Variants in NOL4 observed in about 807,000 individuals in gnomAD.
NOL4 encodes nucleolar protein 4, also known as cancer/testis antigen 125.
A neutral mutation model predicts 75.9 loss-of-function variants in NOL4; 17 were observed. That is an observed-to-expected ratio of 0.22 (90% CI 0.15 to 0.34). NOL4 has a LOEUF of 0.34. Among genes scored for constraint, NOL4 ranks in the 10% least tolerant of loss-of-function variants. The pLI is 1.00. For synonymous variants in NOL4, 292 were observed against 289.9 expected, an observed-to-expected ratio of 1.01 and a Z score of -0.07; for missense variants, 614 against 793.5, an observed-to-expected ratio of 0.77 and a Z score of 2.72.
intron 5 of NOL4, among the ~76,000 whole-genome samples, chr18:34,076,894 T>C (rs2077768364): frequency 1.3e-5 from 2 of 152,020 alleles, no homozygotes; most frequent in Admixed American, 6.6e-5. Flanking sequence ...TAAACATGAG[T>C]CTTTAAATGA....
chr18:34,030,976 G>A (rs2075612634), intron 5 of NOL4, among the ~76,000 whole-genome samples: 3 of 152,110 alleles, frequency 2.0e-5, no homozygotes, highest in Admixed American at 2.0e-4. Flanking sequence ...AACAAGTCAT[G>A]GTGGGGAGAG....
At chr18:34,144,367 G>A (rs2081314429) in intron 1 of NOL4, among the ~76,000 whole-genome samples, 1 of 152,002 alleles carries the variant, frequency 6.6e-6, no homozygotes, top group Non-Finnish European at 1.5e-5. Context: ...ATTCAGTGAC[G>A]ATTTTATAGA....
At chr18:33,859,493 G>A (rs1022360498) in intron 10 of NOL4, among the ~76,000 whole-genome samples, 8 of 152,004 alleles carry the variant, frequency 5.3e-5, no homozygotes, top group African/African-American at 1.9e-4. Flanking sequence ...GTTTTTCTGA[G>A]AGACTTGTGT....
rs566771291 is a variant in NOL4 at position 34,145,218 on chromosome 18, T to C, written c.265-15198A>G. Among the ~76,000 whole-genome samples the C allele has an allele frequency of 2.6e-5, 4 of 152,216 alleles. No homozygotes were observed. The South Asian group carries it at 8.3e-4, about 32-fold the overall frequency. On this transcript the variant is annotated intron_variant, in intron 1 of 10. Coordinates refer to ENST00000261592, the MANE Select transcript of NOL4 (RefSeq NM_003787.5). ...TGAAAGGTTTTTATGGAAATTGTAA[T>C]AGAGAATTCAAACTAAGGTCAATAT...
intron 1 of NOL4, among the ~76,000 whole-genome samples, chr18:34,131,788 C>T (rs2080663442): frequency 6.6e-6 from 1 of 151,976 alleles, no homozygotes; most frequent in South Asian, 2.1e-4. Context: ...TCAACAAGGC[C>T]CAGATACTAC....
intron 1 of NOL4, among the ~76,000 whole-genome samples, chr18:34,216,006 TC>T (rs1441966233): frequency 6.6e-6 from 1 of 152,140 alleles, no homozygotes; most frequent in Admixed American, 6.6e-5. Flanking sequence ...CCAAAAATTT[TC>T]CAAATACTTA....
At position 33,878,026 on chromosome 18, in the gene NOL4, G is replaced by A. The variant is rs543312722; in HGVS notation, c.1723+5218C>T. On this transcript the variant is annotated intron_variant, in intron 10 of 10. Coordinates refer to ENST00000261592, the MANE Select transcript of NOL4 (RefSeq NM_003787.5). The stretch of plus-strand genomic sequence containing the variant: ...GTGAGTAGACCTTGAAGCTGGAAGA[G>A]CTGGCTCACATCCTTTCCCTAAGAA... Among the ~76,000 whole-genome samples the A allele has an allele frequency of 2.0e-5, 3 of 152,166 alleles. No individual in the cohort carries two copies. The East Asian group carries it at 5.8e-4, about 29-fold the overall frequency.
At chr18:33,974,857 A>G (rs897905457) in intron 6 of NOL4, among the ~76,000 whole-genome samples, 5 of 152,184 alleles carry the variant, frequency 3.3e-5, no homozygotes, top group African/African-American at 1.2e-4. Flanking sequence ...CTCAAAAGAT[A>G]TTTGCATACC....
At chr18:34,028,304 T>C (rs750125075) in intron 5 of NOL4, among the ~76,000 whole-genome samples, 1 of 152,272 alleles carries the variant, frequency 6.6e-6, no homozygotes, top group Non-Finnish European at 1.5e-5. Flanking sequence ...TACTGAGCTT[T>C]GCAGCACCTG....
At position 33,994,776 on chromosome 18, in the gene NOL4, G is replaced by C. The variant is rs539921406; in HGVS notation, c.1056+24542C>G. Among the ~76,000 whole-genome samples the C allele has an allele frequency of 3.1e-4, 47 of 151,428 alleles. No individual in the cohort carries two copies. In the South Asian group the frequency reaches 8.3e-3, roughly 27 times the overall value. ...CAAAACGTAGTACAAGCAAAAGAAAGAAAATAATGAAGATTTGAGTGGAAA... is the reference window on the plus strand; with the variant it reads ...CAAAACGTAGTACAAGCAAAAGAAACAAAATAATGAAGATTTGAGTGGAAA... On this transcript the variant is annotated intron_variant, in intron 6 of 10. Transcript: ENST00000261592.
chr18:33,911,070 T>A (rs188070361), intron 9 of NOL4, among the ~76,000 whole-genome samples: 4 of 152,238 alleles, frequency 2.6e-5, no homozygotes, highest in South Asian at 4.1e-4. Flanking sequence ...GCACCCATGA[T>A]TTTTAGTGTT....
At chr18:34,194,629 C>A (rs2035190063) in intron 1 of NOL4, among the ~76,000 whole-genome samples, 1 of 152,146 alleles carries the variant, frequency 6.6e-6, no homozygotes, top group South Asian at 2.1e-4. Context: ...CACATTGTTT[C>A]ATCTTACTCA....
At chr18:33,951,302 G>C (rs2069199939) in intron 8 of NOL4, among the ~76,000 whole-genome samples, 1 of 152,090 alleles carries the variant, frequency 6.6e-6, no homozygotes, top group Non-Finnish European at 1.5e-5. Context: ...TGAATTAAAA[G>C]TAGTTTCTCT....
At chr18:33,945,447 T>A (rs957881920) in intron 8 of NOL4, among the ~76,000 whole-genome samples, 1 of 151,812 alleles carries the variant, frequency 6.6e-6, no homozygotes, top group Admixed American at 6.6e-5. Flanking sequence ...TTTCAAATTC[T>A]TATTAATTTT....
chr18:33,860,770 T>C (rs2144257458), intron 10 of NOL4, among the ~76,000 whole-genome samples: 1 of 152,060 alleles, frequency 6.6e-6, no homozygotes, highest in East Asian at 1.9e-4. Context: ...GGCTGTGGGT[T>C]TGTCACAGAT....
chr18:33,879,133 T>C (rs1419772566), intron 10 of NOL4, among the ~76,000 whole-genome samples: 1 of 152,148 alleles, frequency 6.6e-6, no homozygotes, highest in Non-Finnish European at 1.5e-5. Flanking sequence ...AACAGTTTAA[T>C]AGTTACATAA....
intron 5 of NOL4, among the ~76,000 whole-genome samples, chr18:34,062,387 G>T (rs564060732): frequency 2.0e-5 from 3 of 151,992 alleles, no homozygotes; most frequent in African/African-American, 7.2e-5. Context: ...AATAATGCTA[G>T]ATCTCATTTA....
intron 10 of NOL4, among the ~76,000 whole-genome samples, chr18:33,868,929 T>C (rs1291604855): frequency 6.6e-6 from 1 of 152,108 alleles, no homozygotes; most frequent in Non-Finnish European, 1.5e-5. Flanking sequence ...TTAGTCATTA[T>C]TATATTGGAA....
At chr18:33,940,695 A>C (rs1036034206) in intron 9 of NOL4, among the ~76,000 whole-genome samples, 2 of 151,660 alleles carry the variant, frequency 1.3e-5, no homozygotes, top group African/African-American at 4.9e-5. Context: ...AAGTACAAAA[A>C]ACAAAACAAA....
Sources: allele counts gnomAD v4.1 joint callset (sites outside exome capture counted in the v4.1 genomes callset), GRCh38; gene constraint gnomAD v4.1.1; transcripts MANE v1.5; gene names NCBI Gene and HGNC (gene_info 2026-07-23, HGNC 2026-07-21).